The following PAH variants were observed in gnomAD, a reference collection of about 807,000 sequenced individuals.
PAH encodes phenylalanine hydroxylase.
PAH carries 64 observed loss-of-function variants against 62.0 expected under a neutral mutation model. The observed-to-expected ratio is 1.03, with a 90% CI of 0.84 to 1.27. PAH has a LOEUF of 1.27. Among genes scored for constraint, PAH ranks in the 50% most tolerant of loss-of-function variants. The pLI is 0.00. For missense variants in PAH, 579 were observed against 542.8 expected, an observed-to-expected ratio of 1.07 and a Z score of -0.66; for synonymous variants, 195 against 196.2, an observed-to-expected ratio of 0.99 and a Z score of 0.05.
chr12:102,911,329 T>C (rs909319242), intron 2 of PAH, among the ~76,000 whole-genome samples: 2 of 152,212 alleles, frequency 1.3e-5, no homozygotes, highest in Non-Finnish European at 2.9e-5. Flanking sequence ...CGTTTTCATT[T>C]TGCACTGCGC....
Position 102,838,781 on chromosome 12 carries a change from A to G in PAH, c.*394T>C, listed in dbSNP as rs1229025003. The G allele has an allele frequency of 1.6e-5, 3 of 184,910 alleles. No homozygotes were observed. Among genetic ancestry groups the G allele is most frequent in the East Asian group, 2.7e-4 (2 of 7,342 alleles). The allele number at this position is 184,910 out of a possible 1,614,324, so 11.5% of individuals were successfully genotyped here. A position where few individuals can be genotyped will look rare whatever the true frequency, so the allele number is the denominator to read the frequency against. On this transcript the variant is annotated 3_prime_UTR_variant, in exon 13 of 13. Transcript: ENST00000553106. ...GATTTATATTAAGCCCAATAATTCA[A>G]TTCTAATGACAGTCTTGTGTTTTAC... is the stretch of plus-strand genomic sequence containing the variant.
intron 1 of PAH, among the ~76,000 whole-genome samples, chr12:102,935,996 T>A (rs1056178285): frequency 6.6e-6 from 1 of 151,966 alleles, no homozygotes. Flanking sequence ...TGAATTTTTT[T>A]AATTTTTTGA....
chr12:102,878,714 G>A (rs1374089891), intron 3 of PAH, among the ~76,000 whole-genome samples: 5 of 151,720 alleles, frequency 3.3e-5, no homozygotes, highest in Non-Finnish European at 5.9e-5. Context: ...AAGAAAAGGA[G>A]GGAAGAAAGA....
intron 8 of PAH, 114 bp from the exon 9 acceptor site, chr12:102,847,065 AC>A: frequency 1.3e-6 from 1 of 794,122 alleles, no homozygotes; most frequent in Non-Finnish European, 2.3e-6. Flanking sequence ...AGAACAGCCC[AC>A]ATAGACCCTG....
intron 3 of PAH, among the ~76,000 whole-genome samples, chr12:102,882,319 G>C (rs948179663): frequency 5.3e-5 from 8 of 152,152 alleles, no homozygotes; most frequent in Non-Finnish European, 1.0e-4. Flanking sequence ...CAATGGTTAA[G>C]AGTCTTAAAA....
chr12:102,936,192 C>A (rs867150563), intron 1 of PAH, among the ~76,000 whole-genome samples: 3 of 151,976 alleles, frequency 2.0e-5, no homozygotes, highest in African/African-American at 7.2e-5. Flanking sequence ...TGTGTAGTTT[C>A]CAAAATTCCT....
At chr12:102,850,997 T>C (rs994804907) in intron 8 of PAH, among the ~76,000 whole-genome samples, 6 of 151,586 alleles carry the variant, frequency 4.0e-5, no homozygotes, top group African/African-American at 1.5e-4. Flanking sequence ...GGTGGGAGGA[T>C]TGTTTGAGCC....
At chr12:102,953,074 C>G (rs1443544655), upstream of PAH, among the ~76,000 whole-genome samples, 1 of 152,132 alleles carries the variant, frequency 6.6e-6, no homozygotes, top group East Asian at 1.9e-4. Flanking sequence ...AGCAGACACC[C>G]CAGCAGGACA....
intron 9 of PAH, 39 bp from the exon 10 acceptor site, chr12:102,844,470 G>T: frequency 1.5e-6 from 2 of 1,346,938 alleles, no homozygotes; most frequent in East Asian, 2.3e-5. Flanking sequence ...ACTCTATGAT[G>T]GTTAATTTTA....
At position 102,840,859 on chromosome 12, in the gene PAH, G is replaced by T. The variant is rs140010721; in HGVS notation, c.1200-344C>A. 6.2e-3 allele frequency among the ~76,000 whole-genome samples: 949 copies of T among 152,216 alleles called. 10 individuals are homozygous for T. Among genetic ancestry groups the T allele is most frequent in the African/African-American group, 0.021 (888 of 41,548 alleles). On this transcript the variant is annotated intron_variant, in intron 11 of 12. Coordinates refer to ENST00000553106, the MANE Select transcript of PAH (RefSeq NM_000277.3). ...CAAGAGTAAGTAAAATCTAGCTAAA[G>T]AATGCTATATAGAGGGAAAAAAGCT...
At position 102,852,954 on chromosome 12, in the gene PAH, G is replaced by T. The variant is rs768323638; in HGVS notation, c.707-4C>A. The T allele has an allele frequency of 1.9e-6, 3 of 1,613,870 alleles. No individual in the cohort carries two copies. Among genetic ancestry groups the T allele is most frequent in the African/African-American group, 2.7e-5 (2 of 74,900 alleles). ...CGGAGGCGGAAACCAGTGCAAGCTGGGATGAAAAGAAGAAAGAAAACTCAA... is the reference window on the plus strand; with the variant it reads ...CGGAGGCGGAAACCAGTGCAAGCTGTGATGAAAAGAAGAAAGAAAACTCAA... On this transcript the variant is annotated splice_polypyrimidine_tract_variant and splice_region_variant and intron_variant, in intron 6 of 12. Coordinates refer to ENST00000553106, the MANE Select transcript of PAH (RefSeq NM_000277.3).
chr12:102,912,083 C>T (rs1878221817), intron 2 of PAH, among the ~76,000 whole-genome samples: 1 of 152,124 alleles, frequency 6.6e-6, no homozygotes. Context: ...AAAAAGGATC[C>T]ACAGTCAAGT....
intron 1 of PAH, among the ~76,000 whole-genome samples, chr12:102,940,185 C>T (rs1039495349): frequency 6.6e-6 from 1 of 152,184 alleles, no homozygotes; most frequent in African/African-American, 2.4e-5. Context: ...CAATTGACTG[C>T]TCAAATGACA....
rs1460754880 is a variant in PAH, at chr12:102,837,432, C to A, written c.*1743G>T. On this transcript the variant is annotated 3_prime_UTR_variant, in exon 13 of 13. Coordinates refer to ENST00000553106, the MANE Select transcript of PAH (RefSeq NM_000277.3). ...AAGAAACATCAGAATAATCCCTTTG[C>A]AGGGATTGTTTGGTGTTTAGAGTAA... The A allele has an allele frequency of 6.6e-6, 1 of 152,156 alleles. No homozygotes were observed. The highest frequency in any genetic ancestry group is 1.5e-5 in the Non-Finnish European group (1 of 68,024). 9.4% of individuals were successfully genotyped at this position (152,156 alleles called of 1,614,324 possible). A position where few individuals can be genotyped will look rare whatever the true frequency, so the allele number is the denominator to read the frequency against.
chr12:102,880,814 T>C (rs1876782028), intron 3 of PAH, among the ~76,000 whole-genome samples: 1 of 152,072 alleles, frequency 6.6e-6, no homozygotes, highest in African/African-American at 2.4e-5. Context: ...AGAAGAAGAA[T>C]AAAGAAGCAT....
intron 4 of PAH, among the ~76,000 whole-genome samples, chr12:102,868,317 T>C (rs1269830071): frequency 6.6e-6 from 1 of 150,976 alleles, no homozygotes; most frequent in Admixed American, 6.6e-5. Flanking sequence ...CAGACACTTG[T>C]TGGAAGAAAG....
At chr12:102,904,126 A>G (rs1877877582) in intron 2 of PAH, among the ~76,000 whole-genome samples, 1 of 152,184 alleles carries the variant, frequency 6.6e-6, no homozygotes, top group African/African-American at 2.4e-5. Flanking sequence ...TTTGGCCCCA[A>G]TTCACTAGAA....
At chr12:102,911,506 C>G (rs1254183909) in intron 2 of PAH, among the ~76,000 whole-genome samples, 2 of 152,144 alleles carry the variant, frequency 1.3e-5, no homozygotes, top group Non-Finnish European at 2.9e-5. Flanking sequence ...CAGTTTCTAT[C>G]TCTGAAAAAT....
rs10860930 is a variant in PAH at position 102,844,180 on chromosome 12, A to C, written c.1065+156T>G. Among the ~76,000 whole-genome samples the C allele has an allele frequency of 0.21, 32,252 of 152,016 alleles. 3,976 individuals are homozygous for C. The highest frequency in any genetic ancestry group is 0.36 in the Admixed American group (5,422 of 15,246). On this transcript the variant is annotated intron_variant, in intron 10 of 12. Coordinates refer to ENST00000553106, the MANE Select transcript of PAH (RefSeq NM_000277.3). ...TCTGTAAAACCCACAGCCATCATCA[A>C]ATCATAGCTGCTAAGGTACCAATCA...
Sources: allele counts gnomAD v4.1 joint callset (sites outside exome capture counted in the v4.1 genomes callset), GRCh38; gene constraint gnomAD v4.1.1; transcripts MANE v1.5; gene names NCBI Gene and HGNC (gene_info 2026-07-23, HGNC 2026-07-21).